The following STK32A variants were observed in gnomAD, a reference collection of about 807,000 sequenced individuals.
STK32A encodes serine/threonine kinase 32A.
In STK32A, 41 loss-of-function variants were observed where a neutral mutation model predicts 53.2. The observed-to-expected ratio is 0.77, with a 90% confidence interval of 0.60 to 1.00. The LOEUF (loss-of-function observed/expected upper bound fraction) is 1.00, where lower values mean the gene tolerates loss of function less well. STK32A is among the 50% of genes least tolerant of loss of function. The pLI, the probability that STK32A is intolerant of heterozygous loss-of-function variation, is 0.00. For synonymous variants in STK32A, 166 were observed against 162.8 expected (o/e 1.02, Z -0.15); for missense variants, 458 against 485.8 (o/e 0.94, Z 0.54).
At chr5:147,295,826 C>T (rs952619934) in intron 4 of STK32A, among the ~76,000 whole-genome samples, 1 of 150,282 alleles carries the variant, frequency 6.7e-6, no homozygotes, top group Non-Finnish European at 1.5e-5. Context: ...AGGGATGACT[C>T]TTAGCTGAAA....
chr5:147,255,925 G>A (rs1253103807), intron 2 of STK32A, among the ~76,000 whole-genome samples: 2 of 152,182 alleles, frequency 1.3e-5, no homozygotes, highest in African/African-American at 4.8e-5. Flanking sequence ...TGTCTAAATA[G>A]ACGTGAGAGT....
intron 4 of STK32A, among the ~76,000 whole-genome samples, chr5:147,282,456 A>C (rs1199898514): frequency 6.6e-6 from 1 of 152,208 alleles, no homozygotes; most frequent in East Asian, 1.9e-4. Flanking sequence ...CTAACATTGA[A>C]TGTAAATGGC....
At chr5:147,345,948 C>G (rs1398532100) in intron 6 of STK32A, among the ~76,000 whole-genome samples, 1 of 152,002 alleles carries the variant, frequency 6.6e-6, no homozygotes, top group Non-Finnish European at 1.5e-5. Context: ...CAGAAGTGAG[C>G]AAACAAAAAA....
At chr5:147,370,597 T>C in intron 8 of STK32A, 57 bp from the exon 9 acceptor site, 1 of 1,005,016 alleles carries the variant, frequency 1.0e-6, no homozygotes, top group Admixed American at 2.4e-5. Context: ...CATTTGGAAA[T>C]TTTTTTTTTC....
At chr5:147,361,884 T>C (rs1489768273) in intron 8 of STK32A, among the ~76,000 whole-genome samples, 2 of 152,230 alleles carry the variant, frequency 1.3e-5, no homozygotes, top group Admixed American at 6.5e-5. Flanking sequence ...GGGAAATCAA[T>C]ACACCTCACT....
At chr5:147,291,346 G>A (rs1241538328) in intron 4 of STK32A, among the ~76,000 whole-genome samples, 1 of 151,984 alleles carries the variant, frequency 6.6e-6, no homozygotes, top group Non-Finnish European at 1.5e-5. Context: ...AGTCTTAGTG[G>A]GGATTTTAAC....
intron 5 of STK32A, among the ~76,000 whole-genome samples, chr5:147,331,850 A>G (rs1378452602): frequency 1.3e-5 from 2 of 152,174 alleles, no homozygotes; most frequent in African/African-American, 2.4e-5. Flanking sequence ...AAGGAATGCC[A>G]GAGATTGCCA....
chr5:147,345,871 A>G (rs1755659684), intron 6 of STK32A, among the ~76,000 whole-genome samples: 1 of 152,186 alleles, frequency 6.6e-6, no homozygotes, highest in Non-Finnish European at 1.5e-5. Context: ...GCTTTTCTGT[A>G]TTATATTCCT....
intron 4 of STK32A, among the ~76,000 whole-genome samples, chr5:147,294,388 A>G (rs1207983692): frequency 1.3e-5 from 2 of 152,072 alleles, no homozygotes; most frequent in Non-Finnish European, 2.9e-5. Flanking sequence ...CAGCCTCCCG[A>G]GTAGCTGAAA....
chr5:147,373,294 T>C lies in STK32A; in HGVS notation c.903T>C (p.Asn301=), dbSNP rs1394522288. 1.2e-6 allele frequency: 2 copies of C among 1,613,034 alleles called. No homozygotes were observed. Among genetic ancestry groups the C allele is most frequent in the South Asian group, 1.1e-5 (1 of 91,066 alleles). The change falls in exon 10 of 13, where the codon AAT becomes AAC. Residue 301 remains asparagine, a splice_region_variant and synonymous_variant. Transcript: ENST00000397936. Reference sequence around the variant, plus strand: ...GGCTCATTCCAGGTTTCATTCCTAATGTGAGTCAATCCTAACAAAGCCAAA... The same window carrying C: ...GGCTCATTCCAGGTTTCATTCCTAACGTGAGTCAATCCTAACAAAGCCAAA... ...QKRLIPGFIP[N]KGRLNCDPTF...
chr5:147,251,414 C>A (rs769266888), intron 2 of STK32A, among the ~76,000 whole-genome samples: 2 of 152,124 alleles, frequency 1.3e-5, no homozygotes, highest in Non-Finnish European at 2.9e-5. Flanking sequence ...TTTTATCATT[C>A]GATCAGTCTA....
intron 2 of STK32A, among the ~76,000 whole-genome samples, chr5:147,264,647 G>A (rs911038829): frequency 6.6e-6 from 1 of 152,138 alleles, no homozygotes. Context: ...AAAGATGGAG[G>A]CATGTTGGGA....
At chr5:147,369,496 C>T (rs1281362846) in intron 8 of STK32A, among the ~76,000 whole-genome samples, 1 of 152,276 alleles carries the variant, frequency 6.6e-6, no homozygotes, top group East Asian at 1.9e-4. Context: ...ATATTATCTC[C>T]TTTAATTTTT....
At chr5:147,396,574 T>A in the STK32A span, among the ~76,000 whole-genome samples, 1 of 152,168 alleles carries the variant, frequency 6.6e-6, no homozygotes, top group South Asian at 2.1e-4. Flanking sequence ...TCCCTGTTAG[T>A]GACTCAAATG....
At chr5:147,400,821 CT>C in the STK32A span, 1 of 1,613,662 alleles carries the variant, frequency 6.2e-7, no homozygotes, top group Non-Finnish European at 8.5e-7. Context: ...TCCCAGATAG[CT>C]GCAGATCCCC....
At chr5:147,349,633 G>T (rs1296603335) in intron 6 of STK32A, among the ~76,000 whole-genome samples, 1 of 152,060 alleles carries the variant, frequency 6.6e-6, no homozygotes, top group Non-Finnish European at 1.5e-5. Flanking sequence ...ATATTGCTTT[G>T]AGTGTTAAAG....
chr5:147,369,892 G>A (rs2152002813), intron 8 of STK32A, among the ~76,000 whole-genome samples: 1 of 152,256 alleles, frequency 6.6e-6, no homozygotes, highest in East Asian at 1.9e-4. Flanking sequence ...TCACATAAGA[G>A]ACATGAAATT....
intron 2 of STK32A, among the ~76,000 whole-genome samples, chr5:147,258,601 C>T (rs1005267238): frequency 6.6e-6 from 1 of 152,054 alleles, no homozygotes; most frequent in East Asian, 1.9e-4. Flanking sequence ...TTGTTGTAAA[C>T]ATCCCTTTCT....
intron 1 of STK32A, 27 bp downstream of exon 1, chr5:147,235,226 T>C (rs1753260935): frequency 6.6e-6 from 1 of 152,258 alleles, no homozygotes; most frequent in South Asian, 2.1e-4. Context: ...ATTTAACGAA[T>C]AATAACAATA....
Sources: allele counts gnomAD v4.1 joint callset (sites outside exome capture counted in the v4.1 genomes callset), GRCh38; gene constraint gnomAD v4.1.1; transcripts MANE v1.5; gene names NCBI Gene and HGNC (gene_info 2026-07-23, HGNC 2026-07-21).